The following TXN variants were observed in gnomAD, a reference collection of about 807,000 sequenced individuals.
TXN encodes the protein ADF.
In TXN, 10 loss-of-function variants were observed where a neutral mutation model predicts 16.5. The ratio of observed to expected loss-of-function variants is 0.61; its 90% CI spans 0.37 to 1.03. The LOEUF (loss-of-function observed/expected upper bound fraction) is 1.03. Ranked by LOEUF, TXN falls within the 50% of genes least tolerant of loss-of-function variation. The probability of loss-of-function intolerance (pLI) is 0.01; values close to 1 mark genes in which losing one functional copy is unlikely to be tolerated. For synonymous variants in TXN, 35 were observed against 39.4 expected, an observed-to-expected ratio of 0.89 and a Z score of 0.42; for missense variants, 71 against 122.5, an observed-to-expected ratio of 0.58 and a Z score of 1.98.
At chr9:110,254,319 G>C (rs183706241) in intron 1 of TXN, among the ~76,000 whole-genome samples, 147 of 152,292 alleles carry the variant, frequency 9.7e-4, no homozygotes, top group African/African-American at 3.4e-3. Context: ...TCAGGAGTTC[G>C]AGACAAACCT....
chr9:110,255,644 G>A (rs930772413), intron 1 of TXN, among the ~76,000 whole-genome samples: 1 of 152,202 alleles, frequency 6.6e-6, no homozygotes, highest in Admixed American at 6.5e-5. Context: ...CCGGAAACGC[G>A]CCCTGCGCCA....
At chr9:110,245,046 G>T (rs766823747) in intron 3 of TXN, 10 of 383,102 alleles carry the variant, frequency 2.6e-5, no homozygotes, top group Middle Eastern at 3.5e-4. Context: ...CAATGAAGAA[G>T]TTTTATTAAT....
Position 110,256,338 on chromosome 9 carries a change from T to TC in TXN, c.24+73dup. On this transcript the variant is annotated intron_variant, in intron 1 of 4. Transcript: ENST00000374517. This position sits in a 1 kb window ranked among gnomAD's most constrained non-coding sequence, Gnocchi z 4.2. ...ACCTCCCGCCACCGCCTTCCCCACCTCCCGCCACCGCCTTCCCCAGTTACA... is the reference window on the plus strand; with the variant it reads ...ACCTCCCGCCACCGCCTTCCCCACCTCCCCGCCACCGCCTTCCCCAGTTACA... 9.2e-7 allele frequency: 1 copy of TC among 1,090,166 alleles called. No homozygotes were observed. The highest frequency in any genetic ancestry group is 1.3e-5 in the South Asian group (1 of 77,786). The allele number at this position is 1,090,166 out of a possible 1,614,324, so 67.5% of individuals were successfully genotyped here.
At chr9:110,250,783 A>G (rs748642756) in intron 3 of TXN, 37 bp downstream of exon 3, 1 of 1,511,410 alleles carries the variant, frequency 6.6e-7, no homozygotes, top group Non-Finnish European at 9.1e-7. Context: ...GGCCAATGTG[A>G]AAAGCTCAGC....
At chr9:110,245,452 C>T (rs1219748804) in intron 3 of TXN, among the ~76,000 whole-genome samples, 1 of 150,220 alleles carries the variant, frequency 6.7e-6, no homozygotes, top group Non-Finnish European at 1.5e-5. Flanking sequence ...GTCACCCAGG[C>T]TGGATGGAAT....
At chr9:110,244,947 C>A in intron 3 of TXN, 104 bp from the exon 4 acceptor site, 1 of 792,092 alleles carries the variant, frequency 1.3e-6, no homozygotes, top group Non-Finnish European at 2.1e-6. Flanking sequence ...GTCATGTACC[C>A]CACATTTCCG....
chr9:110,244,713 G>A, intron 4 of TXN, 65 bp downstream of exon 4: 1 of 1,375,028 alleles, frequency 7.3e-7, no homozygotes, highest in Non-Finnish European at 1.0e-6. Flanking sequence ...TCACTCCAGT[G>A]ATTTATTCAC....
Position 110,256,503 on chromosome 9 carries a change from G to T in TXN, c.-68C>A. 2 of 1,527,648 alleles carry T rather than the reference G, an allele frequency of 1.3e-6. No homozygotes were observed. The highest frequency in any genetic ancestry group is 8.9e-7 in the Non-Finnish European group (1 of 1,120,618). The allele number at this position is 1,527,648 out of a possible 1,614,324, so 94.6% of individuals were successfully genotyped here. A position where few individuals can be genotyped will look rare whatever the true frequency, so the allele number is the denominator to read the frequency against. ...AAATGGATCCAAAGCACCAAACAGA[G>T]CTTCAAGACTCGCTGCTTGCTCTCT... On this transcript the variant is annotated 5_prime_UTR_variant, in exon 1 of 5. Transcript: ENST00000374517. This position sits in a 1 kb window ranked among gnomAD's most constrained non-coding sequence, Gnocchi z 4.2.
At position 110,244,842 on chromosome 9, in the gene TXN, T is replaced by C; in HGVS notation, c.191A>G (p.Asp64Gly). The C allele has an allele frequency of 6.2e-7, 1 of 1,612,696 alleles. No homozygotes were observed. The highest frequency in any genetic ancestry group is 1.1e-5 in the South Asian group (1 of 91,060). Residue 64 changes from aspartate (D) to glycine (G), a missense_variant and splice_region_variant, in exon 4 of 5, where the codon GAT becomes GGT. Transcript: ENST00000374517. ...TTTGACTTCACACTCTGAAGCAACA[T>C]CCTGGTAGGGAAAGTAGCAAAGGGA... ...FLEVDVDDCQ[D>G]VASECEVKCM... is the part of the protein sequence containing the mutation.
chr9:110,248,071 A>AT (rs1188916093), intron 3 of TXN, among the ~76,000 whole-genome samples: 1 of 152,222 alleles, frequency 6.6e-6, no homozygotes, highest in African/African-American at 2.4e-5. Flanking sequence ...TAAAGAAAAT[A>AT]TTTTTGTAGA....
chr9:110,252,632 C>A (rs903965412), intron 1 of TXN, among the ~76,000 whole-genome samples: 1 of 152,102 alleles, frequency 6.6e-6, no homozygotes, highest in Admixed American at 6.6e-5. Context: ...ATTCTAGTTA[C>A]CAAGGACTCA....
chr9:110,246,578 C>T (rs929616753), intron 3 of TXN, among the ~76,000 whole-genome samples: 4 of 152,220 alleles, frequency 2.6e-5, no homozygotes, highest in East Asian at 1.9e-4. Flanking sequence ...GGACAGCAAG[C>T]GAGCAGGCAG....
chr9:110,255,421 T>G (rs1182248670), intron 1 of TXN, among the ~76,000 whole-genome samples: 1 of 152,176 alleles, frequency 6.6e-6, no homozygotes, highest in African/African-American at 2.4e-5. Context: ...CTTTCAAACA[T>G]GGGAAGGCTG....
At chr9:110,244,658 T>C (rs1837624419) in intron 4 of TXN, 120 bp downstream of exon 4, 3 of 880,534 alleles carry the variant, frequency 3.4e-6, no homozygotes, top group Non-Finnish European at 5.4e-6. Flanking sequence ...TTAAAAATTC[T>C]TAAAAGCAGA....
Position 110,256,357 on chromosome 9 carries a change from A to T in TXN, c.24+55T>A. The T allele has an allele frequency of 6.9e-7, 1 of 1,459,494 alleles. No individual in the cohort carries two copies. Among genetic ancestry groups the T allele is most frequent in the Admixed American group, 1.9e-5 (1 of 52,368 alleles). The allele number at this position is 1,459,494 out of a possible 1,614,324, so 90.4% of individuals were successfully genotyped here. On this transcript the variant is annotated intron_variant, in intron 1 of 4. Transcript: ENST00000374517. This position sits in a 1 kb window ranked among gnomAD's most constrained non-coding sequence, Gnocchi z 4.2. ...CCCACCTCCCGCCACCGCCTTCCCCAGTTACAGAGGCCGCGCGCGGCGCCG... is the reference window on the plus strand; with the variant it reads ...CCCACCTCCCGCCACCGCCTTCCCCTGTTACAGAGGCCGCGCGCGGCGCCG...
At chr9:110,252,736 C>T (rs545388940) in intron 1 of TXN, among the ~76,000 whole-genome samples, 4 of 152,172 alleles carry the variant, frequency 2.6e-5, no homozygotes, top group Admixed American at 1.3e-4. Flanking sequence ...CCTTTGCCTC[C>T]GGGGTTCAAG....
At chr9:110,249,125 CAAAAAAAAAAAAAAAAAAAA>C (rs71302631) in intron 3 of TXN, among the ~76,000 whole-genome samples, 1 of 53,818 alleles carries the variant, frequency 1.9e-5, no homozygotes, top group Non-Finnish European at 3.3e-5. Context: ...AACTCCATCT[CAAAAAAAAAAAAAAAAAAAA>C]AAAAAAAAAA....
chr9:110,245,642 ATATATATATATATTTTT>A lies in TXN; in HGVS notation c.190-816_190-800del, dbSNP rs1214699309. On this transcript the variant is annotated intron_variant, in intron 3 of 4. Transcript: ENST00000374517. ...ACTATATATATATATATATATATATATATATATATATATTTTTTTTTTTTTTTTTTTATAGGGACAAG... is the reference window on the plus strand; with the variant it reads ...ACTATATATATATATATATATATATATTTTTTTTTTTTTTATAGGGACAAG... 7.8e-4 allele frequency among the ~76,000 whole-genome samples: 23 copies of A among 29,648 alleles called. 3 individuals are homozygous for A. The highest frequency in any genetic ancestry group is 4.5e-3 in the African/African-American group (22 of 4,892). The allele number at this position is 29,648 out of a possible 152,430, so 19.5% of individuals were successfully genotyped here. A position where few individuals can be genotyped will look rare whatever the true frequency, so the allele number is the denominator to read the frequency against.
At chr9:110,245,591 G>A (rs1837636684) in intron 3 of TXN, among the ~76,000 whole-genome samples, 1 of 77,164 alleles carries the variant, frequency 1.3e-5, no homozygotes, top group African/African-American at 4.5e-5. Context: ...GTGTGTGTGT[G>A]TGTATATATA....
Sources: allele counts gnomAD v4.1 joint callset (sites outside exome capture counted in the v4.1 genomes callset), GRCh38; gene constraint gnomAD v4.1.1; non-coding constraint Gnocchi (gnomAD v3.1); transcripts MANE v1.5; gene names NCBI Gene and HGNC (gene_info 2026-07-23, HGNC 2026-07-21).